Variants in SLIT2 observed in about 807,000 individuals in gnomAD.
SLIT2 encodes the protein slit guidance ligand 2.
In SLIT2, 41 loss-of-function variants were observed where a neutral mutation model predicts 185.7. The ratio of observed to expected loss-of-function variants is 0.22; its 90% confidence interval spans 0.17 to 0.29. The LOEUF (loss-of-function observed/expected upper bound fraction) is 0.29. SLIT2 is among the 10% of genes least tolerant of loss of function. The probability of loss-of-function intolerance (pLI) is 1.00; values close to 1 mark genes in which losing one functional copy is unlikely to be tolerated. For synonymous variants in SLIT2, 693 were observed against 680.2 expected (o/e 1.02, Z -0.29); for missense variants, 1,571 against 1,909.0 (o/e 0.82, Z 3.30).
chr4:20,548,990 A>AT (rs1221116259), intron 23 of SLIT2, 67 bp from the exon 24 acceptor site: 1 of 868,804 alleles, frequency 1.2e-6, no homozygotes, highest in Non-Finnish European at 2.0e-6. Context: ...TAACTGCTTT[A>AT]TTTTTGGAAG....
In SLIT2 at chr4:20,598,338, G is replaced by A. The variant is rs867063089; in HGVS notation, c.3635G>A (p.Arg1212Gln). The change falls in exon 33 of 37, where the codon CGG becomes CAG. Residue 1212 changes from arginine to glutamine, a missense_variant. By Grantham distance (43) the Arg-to-Gln change is conservative (BLOSUM62 1). Coordinates refer to ENST00000504154, the MANE Select transcript of SLIT2 (RefSeq NM_004787.4). ...GACCATATCGCGGTAGAACTCTATCGGGGGCGTGTTCGTGCCAGCTATGAC... is the reference window on the plus strand; with the variant it reads ...GACCATATCGCGGTAGAACTCTATCAGGGGCGTGTTCGTGCCAGCTATGAC... Reference protein sequence around the residue: ...DKDHIAVELYRGRVRASYDTG... With the variant: ...DKDHIAVELYQGRVRASYDTG... 7.4e-6 allele frequency: 12 copies of A among 1,613,860 alleles called. No individual in the cohort carries two copies. Among genetic ancestry groups the A allele is most frequent in the Non-Finnish European group, 9.3e-6 (11 of 1,179,960 alleles).
intron 4 of SLIT2, among the ~76,000 whole-genome samples, chr4:20,293,814 G>A (rs542120424): frequency 3.3e-5 from 5 of 152,288 alleles, no homozygotes; most frequent in East Asian, 1.9e-4. Context: ...TGCCTGGCCC[G>A]TGGAGAGAGA....
intron 3 of SLIT2, among the ~76,000 whole-genome samples, chr4:20,268,434 CTG>C (rs1713262574): frequency 6.6e-6 from 1 of 151,628 alleles, no homozygotes; most frequent in Non-Finnish European, 1.5e-5. Context: ...CCAATTGGGA[CTG>C]TGTATGGATT....
At chr4:20,304,588 G>C (rs1395012388) in intron 4 of SLIT2, among the ~76,000 whole-genome samples, 2 of 152,118 alleles carry the variant, frequency 1.3e-5, no homozygotes, top group African/African-American at 4.8e-5. Flanking sequence ...TGGTCTTCTT[G>C]CTTGGAATAC....
chr4:20,455,570 G>T (rs960080104), intron 4 of SLIT2, among the ~76,000 whole-genome samples: 1 of 152,030 alleles, frequency 6.6e-6, no homozygotes, highest in Non-Finnish European at 1.5e-5. Context: ...AAACAAAAAT[G>T]TGTTATATTT....
intron 4 of SLIT2, among the ~76,000 whole-genome samples, chr4:20,290,423 G>A (rs1715684663): frequency 6.6e-6 from 1 of 152,190 alleles, no homozygotes; most frequent in Admixed American, 6.5e-5. Context: ...GTTACTGTAA[G>A]TAGTTTAGAG....
intron 3 of SLIT2, among the ~76,000 whole-genome samples, chr4:20,264,338 GA>G (rs1486631827): frequency 4.6e-5 from 7 of 151,714 alleles, no homozygotes; most frequent in Admixed American, 6.6e-5. Context: ...TAGGAGGTTA[GA>G]AATGGTAGGC....
chr4:20,291,281 T>C (rs1270311764), intron 4 of SLIT2, among the ~76,000 whole-genome samples: 1 of 151,660 alleles, frequency 6.6e-6, no homozygotes, highest in East Asian at 1.9e-4. Flanking sequence ...CAGTGTGGTA[T>C]GCACATTCTT....
At chr4:20,306,565 G>C (rs1044856699) in intron 4 of SLIT2, among the ~76,000 whole-genome samples, 1 of 152,144 alleles carries the variant, frequency 6.6e-6, no homozygotes, top group Non-Finnish European at 1.5e-5. Flanking sequence ...AATCCATTGA[G>C]TATTAATTTT....
At chr4:20,544,671 A>C (rs1723098858) in intron 21 of SLIT2, among the ~76,000 whole-genome samples, 1 of 152,090 alleles carries the variant, frequency 6.6e-6, no homozygotes, top group African/African-American at 2.4e-5. Context: ...GTATTACATT[A>C]AATAATTAAA....
chr4:20,548,751 C>A (rs1273541047), intron 23 of SLIT2, among the ~76,000 whole-genome samples, 192 bp downstream of exon 23: 1 of 151,832 alleles, frequency 6.6e-6, no homozygotes, highest in African/African-American at 2.4e-5. Context: ...TTAAAAAAAA[C>A]AAAGAATAAT....
chr4:20,374,978 G>A (rs1054766484), intron 4 of SLIT2, among the ~76,000 whole-genome samples: 3 of 151,812 alleles, frequency 2.0e-5, no homozygotes, highest in Non-Finnish European at 2.9e-5. Context: ...TTTTATTATT[G>A]CTTTTTTTTT....
At chr4:20,381,936 T>C (rs960154991) in intron 4 of SLIT2, among the ~76,000 whole-genome samples, 10 of 151,510 alleles carry the variant, frequency 6.6e-5, no homozygotes, top group Admixed American at 2.0e-4. Flanking sequence ...TATGTATTTA[T>C]GCATAAATAC....
intron 33 of SLIT2, among the ~76,000 whole-genome samples, chr4:20,607,501 A>G (rs1728880644): frequency 6.6e-6 from 1 of 152,188 alleles, no homozygotes; most frequent in South Asian, 2.1e-4. Flanking sequence ...AATTAGCAAG[A>G]GTTTAAGACA....
intron 4 of SLIT2, among the ~76,000 whole-genome samples, chr4:20,448,353 G>C (rs1485661608): frequency 6.6e-6 from 1 of 152,050 alleles, no homozygotes; most frequent in Non-Finnish European, 1.5e-5. Flanking sequence ...TCAGGCCGGA[G>C]TGCAGTGCAC....
At chr4:20,304,517 C>G (rs1717355353) in intron 4 of SLIT2, among the ~76,000 whole-genome samples, 1 of 152,054 alleles carries the variant, frequency 6.6e-6, no homozygotes, top group Non-Finnish European at 1.5e-5. Flanking sequence ...AAGCGTTGGC[C>G]AATGAGACAT....
At chr4:20,578,713 G>C (rs1726274187) in intron 29 of SLIT2, among the ~76,000 whole-genome samples, 1 of 152,130 alleles carries the variant, frequency 6.6e-6, no homozygotes, top group Admixed American at 6.5e-5. Context: ...GCAACACCAT[G>C]TACTGCTATC....
chr4:20,581,895 C>T (rs1178912448), intron 29 of SLIT2, among the ~76,000 whole-genome samples: 1 of 152,184 alleles, frequency 6.6e-6, no homozygotes, highest in African/African-American at 2.4e-5. Context: ...TATAGGCACC[C>T]ACTACCACAC....
intron 11 of SLIT2, among the ~76,000 whole-genome samples, chr4:20,512,565 G>A (rs1361635862): frequency 6.6e-6 from 1 of 152,106 alleles, no homozygotes; most frequent in Non-Finnish European, 1.5e-5. Context: ...CTCTCAGGCT[G>A]TACTGTCAGG....
Sources: allele counts gnomAD v4.1 joint callset (sites outside exome capture counted in the v4.1 genomes callset), GRCh38; gene constraint gnomAD v4.1.1; transcripts MANE v1.5; gene names NCBI Gene and HGNC (gene_info 2026-07-23, HGNC 2026-07-21).